The following IGF2R variants were observed in gnomAD, a reference collection of about 807,000 sequenced individuals.
The protein encoded by IGF2R is insulin like growth factor 2 receptor.
A neutral mutation model predicts 270.6 loss-of-function variants in IGF2R; 91 were observed. The observed-to-expected ratio is 0.34, with a 90% CI of 0.28 to 0.40. The LOEUF is 0.40. Among genes scored for constraint, IGF2R ranks in the 10% least tolerant of loss-of-function variants. The probability of loss-of-function intolerance (pLI) is 1.00; values close to 1 mark genes in which losing one functional copy is unlikely to be tolerated. For missense variants in IGF2R, 2,805 were observed against 3,188.3 expected (o/e 0.88, Z 2.90); for synonymous variants, 1,316 against 1,258.9 (o/e 1.05, Z -0.96).
intron 1 of IGF2R, among the ~76,000 whole-genome samples, chr6:159,981,460 A>C (rs990953484): frequency 6.6e-6 from 1 of 152,062 alleles, no homozygotes; most frequent in African/African-American, 2.4e-5. Context: ...GTGTCATGTG[A>C]CACTCCTTTC....
At chr6:160,082,464 C>T (rs1262352149) in intron 39 of IGF2R, among the ~76,000 whole-genome samples, 2 of 152,128 alleles carry the variant, frequency 1.3e-5, no homozygotes, top group African/African-American at 4.8e-5. Flanking sequence ...GGCCCGCCAC[C>T]TCACCCAGCT....
chr6:160,060,796 G>C, intron 23 of IGF2R, 79 bp downstream of exon 23: 1 of 1,390,838 alleles, frequency 7.2e-7, no homozygotes, highest in Non-Finnish European at 1.0e-6. Flanking sequence ...GTGTGTTTCT[G>C]TGTGTATGTA....
Position 160,043,130 on chromosome 6 carries a change from A to C in IGF2R, c.1481-18A>C, listed in dbSNP as rs549072960. The C allele has an allele frequency of 7.4e-6, 12 of 1,612,968 alleles. No individual in the cohort carries two copies. The South Asian group carries it at 1.3e-4, about 18-fold the overall frequency. On this transcript the variant is annotated intron_variant, in intron 11 of 47. Coordinates refer to ENST00000356956, the MANE Select transcript of IGF2R (RefSeq NM_000876.4). ...TCAGCATTGCTTTTGGCTAAAATAC[A>C]CTTTTGTTTTGTTACAGAACCAGAG...
chr6:159,969,313 C>T lies in IGF2R; in HGVS notation c.67C>T (p.Leu23=). Residue 23 remains leucine, a synonymous_variant, in exon 1 of 48, where the codon CTG becomes TTG. Transcript: ENST00000356956. ...GCCCGCCCGCCGCCCGCAGCGCTCT[C>T]TGCTCCTGCTGCAGCTGCTGCTGCT... ...PAPARRPQRS[L]LLLQLLLLVA... 1 of 1,288,604 alleles carries T rather than the reference C, an allele frequency of 7.8e-7. No homozygotes were observed. The highest frequency in any genetic ancestry group is 9.9e-7 in the Non-Finnish European group (1 of 1,014,546). 79.8% of individuals were successfully genotyped at this position (1,288,604 alleles called of 1,614,324 possible).
intron 41 of IGF2R, among the ~76,000 whole-genome samples, chr6:160,086,772 A>G (rs1779105687): frequency 6.6e-6 from 1 of 152,172 alleles, no homozygotes; most frequent in South Asian, 2.1e-4. Context: ...CCACCTCACC[A>G]TCCAGCAGCC....
intron 45 of IGF2R, among the ~76,000 whole-genome samples, chr6:160,098,545 G>A (rs1779414828): frequency 1.3e-5 from 2 of 152,042 alleles, no homozygotes; most frequent in South Asian, 4.2e-4. Context: ...ATGGCCAGAC[G>A]CGGTGGCTCA....
chr6:160,047,961 A>G, intron 17 of IGF2R, 54 bp downstream of exon 17: 2 of 1,164,770 alleles, frequency 1.7e-6, no homozygotes, highest in East Asian at 2.3e-5. Context: ...CTGAGGTTGC[A>G]AGTGTTGCTG....
intron 39 of IGF2R, among the ~76,000 whole-genome samples, chr6:160,080,677 C>T (rs1017416370): frequency 6.6e-6 from 1 of 152,124 alleles, no homozygotes; most frequent in Non-Finnish European, 1.5e-5. Flanking sequence ...TGACTTTCCG[C>T]CATGTGGCAG....
intron 1 of IGF2R, among the ~76,000 whole-genome samples, chr6:159,983,215 G>C (rs762018300): frequency 6.6e-6 from 1 of 152,158 alleles, no homozygotes; most frequent in Non-Finnish European, 1.5e-5. Flanking sequence ...GATTGGTTTC[G>C]TCTGGACCAG....
At chr6:160,051,136 A>T (rs1482236770) in intron 19 of IGF2R, among the ~76,000 whole-genome samples, 1 of 152,176 alleles carries the variant, frequency 6.6e-6, no homozygotes, top group Non-Finnish European at 1.5e-5. Flanking sequence ...GAGAAAGATG[A>T]CCCAGTAGCC....
intron 44 of IGF2R, among the ~76,000 whole-genome samples, chr6:160,092,613 C>T (rs938960314): frequency 2.0e-5 from 3 of 152,228 alleles, no homozygotes; most frequent in Non-Finnish European, 4.4e-5. Context: ...GCTTGCCATT[C>T]CTTCGGGAGG....
intron 29 of IGF2R, among the ~76,000 whole-genome samples, chr6:160,067,249 G>A (rs536661694): frequency 5.9e-5 from 9 of 152,030 alleles, no homozygotes; most frequent in Admixed American, 3.3e-4. Context: ...CCTGGGATGC[G>A]CTTTACTGGG....
chr6:160,002,222 C>A (rs1391785873), intron 2 of IGF2R, among the ~76,000 whole-genome samples: 1 of 151,996 alleles, frequency 6.6e-6, no homozygotes, highest in African/African-American at 2.4e-5. Context: ...GGAACCCCAT[C>A]TCTGCAAAAA....
In IGF2R at chr6:160,102,581, G is replaced by T. The variant is rs370778326; in HGVS notation, c.6905G>T (p.Arg2302Leu). 4 of 1,613,572 alleles carry T rather than the reference G, an allele frequency of 2.5e-6. No individual in the cohort carries two copies. Among genetic ancestry groups the T allele is most frequent in the African/African-American group, 1.3e-5 (1 of 74,934 alleles). ...CAGATGCACAAGGGGCTGTCAGAAC[G>T]GAGCCAGGCAGTCGGCGCGGTGCTC... ...DGQMHKGLSE[R>L]SQAVGAVLSL... The change falls in exon 46 of 48, where the codon CGG (arginine) becomes CTG (leucine). Residue 2302 changes from arginine (R) to leucine (L), a missense_variant. By Grantham distance (102) the Arg-to-Leu change is moderately radical. This residue lies in a region of IGF2R where 1,851 missense variants were observed against 2,207.2 expected (regional missense o/e 0.84). Coordinates refer to ENST00000356956, the MANE Select transcript of IGF2R (RefSeq NM_000876.4). This position sits in a 1 kb window ranked among gnomAD's most constrained non-coding sequence, Gnocchi z 4.5.
At chr6:160,096,320 T>A (rs1228957151) in intron 44 of IGF2R, 119 bp from the exon 45 acceptor site, 2 of 841,654 alleles carry the variant, frequency 2.4e-6, no homozygotes, top group African/African-American at 3.4e-5. Context: ...GGACGTGGGA[T>A]GAAGTCTCTT....
intron 7 of IGF2R, among the ~76,000 whole-genome samples, chr6:160,031,070 A>G (rs1335021043): frequency 6.6e-6 from 1 of 152,110 alleles, no homozygotes; most frequent in African/African-American, 2.4e-5. Context: ...TTGAACTCCC[A>G]GGCTCAAGTG....
At chr6:160,014,681 C>CT (rs1321956269) in intron 4 of IGF2R, among the ~76,000 whole-genome samples, 1 of 152,174 alleles carries the variant, frequency 6.6e-6, no homozygotes, top group East Asian at 1.9e-4. Flanking sequence ...TGCATCTTGT[C>CT]TTGCATCCTA....
chr6:160,010,768 T>C lies in IGF2R; in HGVS notation c.496T>C (p.Phe166Leu). 1.2e-6 allele frequency: 2 copies of C among 1,605,230 alleles called. No homozygotes were observed. The highest frequency in any genetic ancestry group is 2.2e-5 in the East Asian group (1 of 44,836). Residue 166 changes from phenylalanine to leucine, a missense_variant, in exon 4 of 48, where the codon TTT becomes CTT. Transcript: ENST00000356956. ...CACTGCAGCCTGCAAGAAAGACATA[T>C]TTAAAGCAAATAAGGAGGTAACATG... ...RTTAACKKDI[F>L]KANKEVPCYV... is the part of the protein sequence containing the mutation.
At chr6:160,075,139 C>G (rs758890576) in intron 35 of IGF2R, among the ~76,000 whole-genome samples, 87 of 149,438 alleles carry the variant, frequency 5.8e-4, no homozygotes, top group Admixed American at 1.0e-3. Flanking sequence ...TGCATGCACA[C>G]ACACATTCAT....
Sources: allele counts gnomAD v4.1 joint callset (sites outside exome capture counted in the v4.1 genomes callset), GRCh38; gene constraint gnomAD v4.1.1; regional missense constraint gnomAD v4.1.1; non-coding constraint Gnocchi (gnomAD v3.1); transcripts MANE v1.5; gene names NCBI Gene and HGNC (gene_info 2026-07-23, HGNC 2026-07-21).